Variants in SUCLG2 observed in about 807,000 individuals in gnomAD.
SUCLG2 encodes the protein succinate--CoA ligase [GDP-forming] subunit beta, mitochondrial.
Under a neutral mutation model 47.9 loss-of-function variants are expected in SUCLG2, and 42 were observed. The observed-to-expected ratio is 0.88, with a 90% CI of 0.69 to 1.14. The LOEUF (loss-of-function observed/expected upper bound fraction) is 1.14, where lower values mean the gene tolerates loss of function less well. Among genes scored for constraint, SUCLG2 ranks in the 50% most tolerant of loss-of-function variants. The pLI is 0.00. For missense variants in SUCLG2, 571 were observed against 525.9 expected (o/e 1.09, Z -0.84); for synonymous variants, 195 against 197.3 (o/e 0.99, Z 0.10).
chr3:67,448,131 A>G (rs1016526932), intron 9 of SUCLG2, among the ~76,000 whole-genome samples: 6 of 152,212 alleles, frequency 3.9e-5, no homozygotes, highest in African/African-American at 1.4e-4. Context: ...GTTCATAAGG[A>G]TATATAGATG....
chr3:67,405,205 T>C (rs1030680688), intron 9 of SUCLG2, among the ~76,000 whole-genome samples: 1 of 152,222 alleles, frequency 6.6e-6, no homozygotes, highest in African/African-American at 2.4e-5. Context: ...CAAGGCAAGT[T>C]TGCTCTGGCA....
At chr3:67,590,773 A>C (rs1230634380) in intron 2 of SUCLG2, among the ~76,000 whole-genome samples, 1 of 152,150 alleles carries the variant, frequency 6.6e-6, no homozygotes, top group East Asian at 1.9e-4. Flanking sequence ...GAACAGACTA[A>C]CACAACAGGG....
chr3:67,542,525 C>T (rs1191530029), intron 2 of SUCLG2, among the ~76,000 whole-genome samples: 1 of 152,120 alleles, frequency 6.6e-6, no homozygotes, highest in African/African-American at 2.4e-5. Flanking sequence ...AATTAAAAGA[C>T]ACAGGCTGGC....
At chr3:67,523,040 C>T (rs1024598577) in intron 4 of SUCLG2, among the ~76,000 whole-genome samples, 18 of 152,066 alleles carry the variant, frequency 1.2e-4, no homozygotes, top group Admixed American at 7.2e-4. Context: ...CGCCCACCTC[C>T]GCCTCCAAAG....
chr3:67,571,174 C>T (rs1045259907), intron 2 of SUCLG2, among the ~76,000 whole-genome samples: 3 of 152,104 alleles, frequency 2.0e-5, no homozygotes, highest in Non-Finnish European at 1.5e-5. Flanking sequence ...ATTTTGCCCC[C>T]CACAGAAGAG....
intron 1 of SUCLG2, among the ~76,000 whole-genome samples, chr3:67,613,786 C>G (rs537477144): frequency 3.9e-5 from 6 of 152,294 alleles, no homozygotes; most frequent in Non-Finnish European, 7.3e-5. Context: ...TACTCTGAAA[C>G]AGTAAAACTT....
At chr3:67,389,180 A>C (rs1054421041) in intron 10 of SUCLG2, among the ~76,000 whole-genome samples, 2 of 152,140 alleles carry the variant, frequency 1.3e-5, no homozygotes, top group African/African-American at 2.4e-5. Context: ...AGCAGAGAGA[A>C]AAGGAGATGA....
At chr3:67,422,473 CAAAAAAAAAA>C (rs58345420) in intron 9 of SUCLG2, among the ~76,000 whole-genome samples, 22 of 30,662 alleles carry the variant, frequency 7.2e-4, no homozygotes, top group East Asian at 2.2e-3. Context: ...GACTCCATCT[CAAAAAAAAAA>C]AAAAAAAAAA....
intron 9 of SUCLG2, among the ~76,000 whole-genome samples, chr3:67,484,539 T>C (rs1705002369): frequency 6.6e-6 from 1 of 152,142 alleles, no homozygotes; most frequent in Admixed American, 6.6e-5. Context: ...AACAAAAACC[T>C]TGAATGGGGA....
At chr3:67,528,731 C>A (rs1196436356) in intron 3 of SUCLG2, among the ~76,000 whole-genome samples, 2 of 152,066 alleles carry the variant, frequency 1.3e-5, no homozygotes, top group Non-Finnish European at 2.9e-5. Context: ...AGGGGAGGTA[C>A]CCCAGATGCC....
intron 10 of SUCLG2, among the ~76,000 whole-genome samples, chr3:67,366,845 G>C (rs1283733014): frequency 6.6e-6 from 1 of 152,132 alleles, no homozygotes; most frequent in African/African-American, 2.4e-5. Context: ...TTGAGGTGCT[G>C]ATTGTCCTTA....
rs1210496386 is a variant in SUCLG2, at chr3:67,502,888, T to G, written c.758-4593A>C. Among the ~76,000 whole-genome samples the G allele has an allele frequency of 2.6e-5, 4 of 152,138 alleles. No homozygotes were observed. The East Asian group carries it at 5.8e-4, about 22-fold the overall frequency. On this transcript the variant is annotated intron_variant, in intron 7 of 10. Transcript: ENST00000307227. ...TCATAAATAGTAGAAAACAAGATTTTTGGCTAAAAGATAAGGGTAAAATAG... is the reference window on the plus strand; with the variant it reads ...TCATAAATAGTAGAAAACAAGATTTGTGGCTAAAAGATAAGGGTAAAATAG...
In SUCLG2 at chr3:67,434,776, C is replaced by G. The variant is rs376630460; in HGVS notation, c.1063-33925G>C. On this transcript the variant is annotated intron_variant, in intron 9 of 10. Transcript: ENST00000307227. ...TTCATATATATGTGACTATGTATAC[C>G]ACATAGCAACATGAGATGCAATGAG... Among the ~76,000 whole-genome samples, 6 of 152,068 alleles carry G rather than the reference C, an allele frequency of 3.9e-5. No homozygotes were observed. The East Asian group carries it at 1.2e-3, about 29-fold the overall frequency.
intron 1 of SUCLG2, among the ~76,000 whole-genome samples, chr3:67,648,947 A>G (rs935734): frequency 0.35 from 53,644 of 152,090 alleles, 9,729 homozygotes; most frequent in African/African-American, 0.38. Context: ...TGGAGCTTAC[A>G]TTCTTAAACT....
At chr3:67,637,603 C>T (rs1024347021) in intron 1 of SUCLG2, among the ~76,000 whole-genome samples, 2 of 152,182 alleles carry the variant, frequency 1.3e-5, no homozygotes, top group Admixed American at 6.5e-5. Flanking sequence ...AAATACACTA[C>T]TAAATTAACA....
At chr3:67,537,030 T>A (rs1275499009) in intron 2 of SUCLG2, among the ~76,000 whole-genome samples, 11 of 152,308 alleles carry the variant, frequency 7.2e-5, no homozygotes, top group Admixed American at 6.5e-4. Context: ...GTACAGTCAT[T>A]AACAATAATT....
chr3:67,400,858 TC>T lies in SUCLG2; in HGVS notation c.1063-8del. On this transcript the variant is annotated splice_region_variant and splice_polypyrimidine_tract_variant and intron_variant, in intron 9 of 10. Coordinates refer to ENST00000307227, the MANE Select transcript of SUCLG2 (RefSeq NM_003848.4). ...TGACAAGGATGGCTTCAACCTGAAATCAAAAATAAAAAGTTACCAATCAAAA... is the reference window on the plus strand; with the variant it reads ...TGACAAGGATGGCTTCAACCTGAAATAAAAATAAAAAGTTACCAATCAAAA... 1 of 1,611,624 alleles carries T rather than the reference TC, an allele frequency of 6.2e-7. No homozygotes were observed. The highest frequency in any genetic ancestry group is 8.5e-7 in the Non-Finnish European group (1 of 1,179,454).
intron 4 of SUCLG2, among the ~76,000 whole-genome samples, chr3:67,527,594 T>C (rs1369314139): frequency 1.3e-5 from 2 of 152,170 alleles, no homozygotes; most frequent in African/African-American, 2.4e-5. Flanking sequence ...ATTTTCTATG[T>C]GTGGATGAGG....
intron 10 of SUCLG2, among the ~76,000 whole-genome samples, chr3:67,361,843 T>G (rs935113532): frequency 1.3e-5 from 2 of 152,166 alleles, no homozygotes; most frequent in Non-Finnish European, 2.9e-5. Flanking sequence ...GTCTAGAAAG[T>G]GCTTGCATGT....
Sources: gnomAD v4.1 joint callset for allele counts (sites outside exome capture counted in the v4.1 genomes callset) on GRCh38, gnomAD v4.1.1 for gene constraint, MANE v1.5 for transcripts, NCBI Gene and HGNC (gene_info 2026-07-23, HGNC 2026-07-21) for gene names.